CUX1: variants seen among roughly 807,000 people sequenced by gnomAD.
The protein encoded by CUX1 is cut like homeobox 1.
CUX1 carries 31 observed loss-of-function variants against 158.8 expected under a neutral mutation model. The observed-to-expected ratio is 0.20, with a 90% CI of 0.15 to 0.26. The LOEUF (loss-of-function observed/expected upper bound fraction) is 0.26. CUX1 is among the 10% of genes least tolerant of loss of function. The pLI is 1.00. For synonymous variants in CUX1, 879 were observed against 862.1 expected, an observed-to-expected ratio of 1.02 and a Z score of -0.34; for missense variants, 1,589 against 2,014.6, an observed-to-expected ratio of 0.79 and a Z score of 4.04.
At chr7:101,845,142 A>ATCTC (rs34863822) in intron 1 of CUX1, among the ~76,000 whole-genome samples, 1 of 149,908 alleles carries the variant, frequency 6.7e-6, no homozygotes, top group Non-Finnish European at 1.5e-5. Flanking sequence ...TCTGTTGTCC[A>ATCTC]TCTCTCTCTC....
intron 1 of CUX1, among the ~76,000 whole-genome samples, chr7:101,833,642 G>A (rs1419976030): frequency 6.6e-6 from 1 of 151,520 alleles, no homozygotes; most frequent in Non-Finnish European, 1.5e-5. Flanking sequence ...ACCTCGGGGC[G>A]TGGGAGAGCA....
At chr7:102,057,682 A>G (rs1824320252) in intron 3 of CUX1, among the ~76,000 whole-genome samples, 2 of 152,310 alleles carry the variant, frequency 1.3e-5, no homozygotes, top group African/African-American at 2.4e-5. Flanking sequence ...CTGCAACCTC[A>G]TGATCAAACT....
At chr7:102,168,085 TAA>T (rs782348372) in intron 9 of CUX1, among the ~76,000 whole-genome samples, 10 of 128,984 alleles carry the variant, frequency 7.8e-5, no homozygotes, top group East Asian at 2.2e-4. Flanking sequence ...CTCAGGAAAT[TAA>T]AAAAAAAAAA....
At chr7:102,163,717 G>A (rs899737980) in intron 9 of CUX1, among the ~76,000 whole-genome samples, 4 of 152,218 alleles carry the variant, frequency 2.6e-5, no homozygotes, top group African/African-American at 9.6e-5. Context: ...GTGAGCTGGA[G>A]GCGGGCTGGG....
intron 11 of CUX1, among the ~76,000 whole-genome samples, chr7:102,181,888 G>A (rs1793126248): frequency 6.6e-6 from 1 of 152,166 alleles, no homozygotes; most frequent in Non-Finnish European, 1.5e-5. Flanking sequence ...TAACCTAAAG[G>A]AATACAATTA....
At chr7:102,034,882 C>T (rs1182323130) in intron 3 of CUX1, among the ~76,000 whole-genome samples, 4 of 151,790 alleles carry the variant, frequency 2.6e-5, no homozygotes, top group African/African-American at 4.8e-5. Flanking sequence ...TACAGTGAGC[C>T]GAGATCGCGC....
chr7:101,917,196 TCTTA>T (rs923457228), intron 2 of CUX1, among the ~76,000 whole-genome samples: 2 of 152,402 alleles, frequency 1.3e-5, no homozygotes, highest in Non-Finnish European at 2.9e-5. Context: ...GATGCCCCTC[TCTTA>T]CTTACATAAT....
intron 1 of CUX1, among the ~76,000 whole-genome samples, chr7:101,854,068 G>A (rs79364329): frequency 0.012 from 1,842 of 152,282 alleles, 27 homozygotes; most frequent in Middle Eastern, 0.044. Flanking sequence ...GATTTTGGGG[G>A]CTTTTCATTT....
intron 2 of CUX1, among the ~76,000 whole-genome samples, chr7:102,007,655 A>G (rs1817539234): frequency 6.6e-6 from 1 of 150,570 alleles, no homozygotes; most frequent in African/African-American, 2.4e-5. Context: ...TCTGCTTGCC[A>G]AGTCCAGTTT....
rs143665318 is a variant in CUX1, at chr7:101,867,317, G to A, written c.31-48798G>A. Among the ~76,000 whole-genome samples, 253 of 152,288 alleles carry A rather than the reference G, an allele frequency of 1.7e-3. 1 individual carries two copies. Among genetic ancestry groups the A allele is most frequent in the Admixed American group, 3.2e-3 (49 of 15,290 alleles). ...ATGGCTGGAGTAAGTGTTGATCAGC[G>A]GACACACTCAAGGGTTTCGTAATGT... On this transcript the variant is annotated intron_variant, in intron 1 of 23. Transcript: ENST00000292535.
intron 23 of CUX1, 65 bp downstream of exon 23, chr7:102,239,649 C>T: frequency 1.3e-6 from 2 of 1,544,680 alleles, no homozygotes; most frequent in Non-Finnish European, 1.8e-6. Context: ...TGTCCGGAGG[C>T]CGCCATGGCG....
At chr7:101,894,371 C>T (rs1584906956) in intron 1 of CUX1, among the ~76,000 whole-genome samples, 3 of 152,202 alleles carry the variant, frequency 2.0e-5, no homozygotes, top group South Asian at 2.1e-4. Context: ...TGGAGTGCAG[C>T]GGCACGATCT....
chr7:101,827,903 G>T (rs1316798081), intron 1 of CUX1, among the ~76,000 whole-genome samples: 2 of 151,874 alleles, frequency 1.3e-5, no homozygotes, highest in Non-Finnish European at 2.9e-5. Context: ...TTGTTTCAAG[G>T]TGGTGGAGAT....
At chr7:102,178,167 G>C (rs1047525627) in intron 10 of CUX1, among the ~76,000 whole-genome samples, 2 of 152,230 alleles carry the variant, frequency 1.3e-5, no homozygotes, top group Non-Finnish European at 2.9e-5. Flanking sequence ...CTCCCAAAGT[G>C]CTGGGATTAC....
intron 2 of CUX1, among the ~76,000 whole-genome samples, chr7:101,989,184 C>T (rs1814755216): frequency 6.6e-6 from 1 of 152,064 alleles, no homozygotes; most frequent in South Asian, 2.1e-4. Context: ...CCGACGTCAC[C>T]TCATCCTGCC....
Position 102,254,264 on chromosome 7 carries a change from C to CTG in CUX1, c.*5222_*5223insTG. ...CCAGTCCTGCTCAGCTGTTAAGATC[C>CTG]ATCATGGCCATTATCCTTGTCCCGG... On this transcript the variant is annotated 3_prime_UTR_variant, in exon 24 of 24. Coordinates refer to ENST00000292535, the MANE Select transcript of CUX1 (RefSeq NM_181552.4). 2 of 985,434 alleles carry CTG rather than the reference C, an allele frequency of 2.0e-6. No homozygotes were observed. The highest frequency in any genetic ancestry group is 2.4e-6 in the Non-Finnish European group (2 of 829,952). 61.0% of individuals were successfully genotyped at this position (985,434 alleles called of 1,614,324 possible).
In CUX1 at chr7:101,950,073, C is replaced by A. The variant is rs186374147; in HGVS notation, c.141+33848C>A. On this transcript the variant is annotated intron_variant, in intron 2 of 23. Transcript: ENST00000292535. The stretch of plus-strand genomic sequence containing the variant: ...ATCAGGCTGGAGTGCAATGCTGGCG[C>A]GATCTCAGCTCACTGTAACCTCCGC... Among the ~76,000 whole-genome samples the A allele has an allele frequency of 1.1e-4, 16 of 152,232 alleles. No individual in the cohort carries two copies. In the East Asian group the frequency reaches 2.9e-3, roughly 28 times the overall value.
At chr7:102,009,911 G>A (rs929871349) in intron 2 of CUX1, among the ~76,000 whole-genome samples, 1 of 152,198 alleles carries the variant, frequency 6.6e-6, no homozygotes, top group Non-Finnish European at 1.5e-5. Context: ...CGTGACTGGC[G>A]TGCCTCACTT....
chr7:102,244,055 A>T (rs1800539992), intron 23 of CUX1, among the ~76,000 whole-genome samples: 1 of 151,794 alleles, frequency 6.6e-6, no homozygotes. Context: ...ATAAAAAAAG[A>T]CCACTCACCC....
Sources: gnomAD v4.1 joint callset for allele counts (sites outside exome capture counted in the v4.1 genomes callset) on GRCh38, gnomAD v4.1.1 for gene constraint, MANE v1.5 for transcripts, NCBI Gene and HGNC (gene_info 2026-07-23, HGNC 2026-07-21) for gene names.